The following FBXO34 variants were observed in gnomAD, a reference collection of about 807,000 sequenced individuals.
FBXO34 encodes the protein F-box only protein 34.
Under a neutral mutation model 24.5 loss-of-function variants are expected in FBXO34, and 12 were observed. The ratio of observed to expected loss-of-function variants is 0.49; its 90% CI spans 0.31 to 0.79. The LOEUF is 0.79. Among genes scored for constraint, FBXO34 ranks in the 30% least tolerant of loss-of-function variants. The pLI, the probability that FBXO34 is intolerant of heterozygous loss-of-function variation, is 0.04. For missense variants in FBXO34, 823 were observed against 857.7 expected (o/e 0.96, Z 0.51); for synonymous variants, 320 against 311.9 (o/e 1.03, Z -0.27).
chr14:55,389,031 G>A, the FBXO34 span, among the ~76,000 whole-genome samples: 1 of 152,080 alleles, frequency 6.6e-6, no homozygotes, highest in Non-Finnish European at 1.5e-5. Flanking sequence ...TAGATCCTAG[G>A]GTTCTCTCTC....
At chr14:55,358,609 T>C (rs1884553084), downstream of FBXO34, among the ~76,000 whole-genome samples, 1 of 141,596 alleles carries the variant, frequency 7.1e-6, no homozygotes, top group Non-Finnish European at 1.6e-5. Context: ...CCTGCCCCCT[T>C]GATCCTTCAA....
chr14:55,272,525 CT>C lies in FBXO34; in HGVS notation c.-11+1005del, dbSNP rs542675528. Among the ~76,000 whole-genome samples the C allele has an allele frequency of 7.8e-3, 888 of 113,530 alleles. 1 individual carries two copies. The highest frequency in any genetic ancestry group is 8.7e-3 in the Admixed American group (97 of 11,200). The allele number at this position is 113,530 out of a possible 152,430, so 74.5% of individuals were successfully genotyped here. On this transcript the variant is annotated intron_variant, in intron 1 of 1. Transcript: ENST00000313833. ...CTTCTAGTGTTGATAAATCAGTTTG[CT>C]TTTTTTTTTTTTTTTTAACTGGACA...
chr14:55,388,389 C>T, the FBXO34 span, among the ~76,000 whole-genome samples: 1 of 152,260 alleles, frequency 6.6e-6, no homozygotes, highest in East Asian at 1.9e-4. Flanking sequence ...TCATCTGCAC[C>T]CAGTGCAGAC....
At chr14:55,376,109 G>A in the FBXO34 span, among the ~76,000 whole-genome samples, 4 of 152,176 alleles carry the variant, frequency 2.6e-5, no homozygotes, top group Non-Finnish European at 5.9e-5. Context: ...CTACTGTGGA[G>A]TCAGCCAGGT....
downstream of FBXO34, among the ~76,000 whole-genome samples, chr14:55,374,415 T>C (rs367587694): frequency 9.8e-5 from 15 of 152,360 alleles, no homozygotes; most frequent in East Asian, 1.3e-3. Flanking sequence ...CTGTACTGAT[T>C]TGAAAGATTT....
rs80079862 is a variant in FBXO34, at chr14:55,337,692, C to T, written c.-10-12689C>T. Among the ~76,000 whole-genome samples, 700 of 152,284 alleles carry T rather than the reference C, an allele frequency of 4.6e-3. 35 individuals are homozygous for T. The East Asian group carries it at 0.12, about 26-fold the overall frequency. On this transcript the variant is annotated intron_variant, in intron 1 of 1. Transcript: ENST00000313833. ...TGAAGCCGCAGGCTAGCACAATATC[C>T]GACACTTAGAGGGAAGTTAAATATT...
chr14:55,319,768 C>T (rs1025465649), intron 1 of FBXO34, among the ~76,000 whole-genome samples: 16 of 152,158 alleles, frequency 1.1e-4, no homozygotes, highest in Admixed American at 2.6e-4. Flanking sequence ...CTCTGCCTCC[C>T]GGGTTTACGC....
At chr14:55,440,335 C>G in the FBXO34 span, 1 of 1,597,544 alleles carries the variant, frequency 6.3e-7, no homozygotes, top group South Asian at 1.1e-5. Flanking sequence ...AAGGCAAAGC[C>G]CTTGGCACAG....
At chr14:55,414,475 T>C in the FBXO34 span, 1 of 1,543,992 alleles carries the variant, frequency 6.5e-7, no homozygotes, top group Non-Finnish European at 8.7e-7. Flanking sequence ...AATCCAGGTT[T>C]ATATAATTTT....
At chr14:55,421,346 T>C in the FBXO34 span, among the ~76,000 whole-genome samples, 1 of 152,166 alleles carries the variant, frequency 6.6e-6, no homozygotes, top group African/African-American at 2.4e-5. Context: ...GAGGTAAACT[T>C]TATGTCAGTC....
the FBXO34 span, among the ~76,000 whole-genome samples, chr14:55,405,218 A>T: frequency 6.6e-6 from 1 of 152,234 alleles, no homozygotes; most frequent in East Asian, 1.9e-4. Flanking sequence ...TTTACGGGCC[A>T]CAGTGGCTGA....
At chr14:55,314,143 T>C (rs1057289208) in intron 1 of FBXO34, among the ~76,000 whole-genome samples, 1 of 152,166 alleles carries the variant, frequency 6.6e-6, no homozygotes, top group Admixed American at 6.5e-5. Context: ...ACTCCTAGGC[T>C]CAAGTGATCC....
intron 1 of FBXO34, among the ~76,000 whole-genome samples, chr14:55,316,799 C>A (rs986014102): frequency 2.0e-5 from 3 of 151,818 alleles, no homozygotes; most frequent in Admixed American, 2.0e-4. Context: ...GACTCAAAGT[C>A]CACGGCTCTG....
At chr14:55,382,266 G>T in the FBXO34 span, 2 of 1,342,976 alleles carry the variant, frequency 1.5e-6, no homozygotes, top group Admixed American at 1.9e-5. Context: ...TGCAAGACAT[G>T]CTAGAACATC....
At chr14:55,313,105 T>C (rs2139751353) in intron 1 of FBXO34, among the ~76,000 whole-genome samples, 1 of 152,338 alleles carries the variant, frequency 6.6e-6, no homozygotes, top group South Asian at 2.1e-4. Flanking sequence ...TGAATGCTTT[T>C]AAGAGCATCC....
At chr14:55,300,329 A>G (rs1174702034) in intron 1 of FBXO34, among the ~76,000 whole-genome samples, 1 of 152,168 alleles carries the variant, frequency 6.6e-6, no homozygotes, top group African/African-American at 2.4e-5. Flanking sequence ...GAGGTGGCTC[A>G]CGCCTGCAAT....
At chr14:55,360,175 A>G (rs58364503) in intron 3 of FBXO34, among the ~76,000 whole-genome samples, 1 of 151,824 alleles carries the variant, frequency 6.6e-6, no homozygotes, top group Non-Finnish European at 1.5e-5. Context: ...TGGGTTCAAG[A>G]GATTCTCTTG....
intron 1 of FBXO34, among the ~76,000 whole-genome samples, chr14:55,278,255 A>G (rs1351974591): frequency 2.0e-5 from 3 of 152,164 alleles, no homozygotes; most frequent in Non-Finnish European, 4.4e-5. Flanking sequence ...TTTGTGAGGA[A>G]CTGAACTCAT....
chr14:55,380,611 A>T, the FBXO34 span: 1 of 1,613,292 alleles, frequency 6.2e-7, no homozygotes, highest in South Asian at 1.1e-5. Context: ...CATCAAGTAT[A>T]TGAGACAGAA....
Sources: allele counts gnomAD v4.1 joint callset (sites outside exome capture counted in the v4.1 genomes callset), GRCh38; gene constraint gnomAD v4.1.1; transcripts MANE v1.5; gene names NCBI Gene and HGNC (gene_info 2026-07-23, HGNC 2026-07-21).